HIBADH: variants seen among roughly 807,000 people sequenced by gnomAD.
The protein encoded by HIBADH is 3-hydroxyisobutyrate dehydrogenase, mitochondrial.
A neutral mutation model predicts 36.1 loss-of-function variants in HIBADH; 25 were observed. The ratio of observed to expected loss-of-function variants is 0.69; its 90% confidence interval spans 0.50 to 0.97. The LOEUF (loss-of-function observed/expected upper bound fraction) is 0.97, where lower values mean the gene tolerates loss of function less well. Ranked by LOEUF, HIBADH falls within the 50% of genes least tolerant of loss-of-function variation. The pLI, the probability that HIBADH is intolerant of heterozygous loss-of-function variation, is 0.00. For synonymous variants in HIBADH, 160 were observed against 149.5 expected (o/e 1.07, Z -0.51); for missense variants, 421 against 418.0 (o/e 1.01, Z -0.06).
intron 6 of HIBADH, among the ~76,000 whole-genome samples, chr7:27,533,706 G>A (rs1356629918): frequency 2.0e-5 from 3 of 152,228 alleles, no homozygotes; most frequent in East Asian, 1.9e-4. Context: ...ATCCTAGAAC[G>A]TCATGCTTCA....
chr7:27,645,053 T>A (rs534188500), intron 2 of HIBADH, among the ~76,000 whole-genome samples: 1 of 152,304 alleles, frequency 6.6e-6, no homozygotes, highest in African/African-American at 2.4e-5. Flanking sequence ...TGTTTGGACA[T>A]TCTATCCGCT....
intron 4 of HIBADH, among the ~76,000 whole-genome samples, chr7:27,627,011 A>G (rs1215273167): frequency 4.6e-5 from 7 of 152,130 alleles, no homozygotes; most frequent in African/African-American, 1.7e-4. Flanking sequence ...CCACCCTCAC[A>G]GAGTTGATGG....
chr7:27,611,773 C>T (rs1785325964), intron 4 of HIBADH, among the ~76,000 whole-genome samples: 1 of 152,146 alleles, frequency 6.6e-6, no homozygotes, highest in African/African-American at 2.4e-5. Flanking sequence ...CTGAGTGAAA[C>T]AACTGCTAAG....
In HIBADH at chr7:27,526,357, G is replaced by A. The variant is rs1366790502; in HGVS notation, c.868C>T (p.Gln290Ter). 6.2e-7 allele frequency: 1 copy of A among 1,611,384 alleles called. No homozygotes were observed. ...TLMAKDLGLA[Q>*]DSATSTKSPI... The stretch of plus-strand genomic sequence containing the variant: ...CTCTTTGTGCTGGTAGCAGAGTCTT[G>A]TGCCAATCCCAGATCCTAAATCAAA... Residue 290 changes from glutamine (Q) to a stop codon, truncating the protein, a stop_gained, in exon 8 of 8, where the codon CAA becomes TAA. Transcript: ENST00000265395. LOFTEE classifies it high-confidence loss of function.
chr7:27,624,319 T>C (rs574996214), intron 4 of HIBADH, among the ~76,000 whole-genome samples: 4 of 152,304 alleles, frequency 2.6e-5, no homozygotes, highest in South Asian at 4.1e-4. Flanking sequence ...TCCAAGGCTA[T>C]AGTAATGTTA....
In HIBADH at chr7:27,577,843, T is replaced by C. The variant is rs138748813; in HGVS notation, c.485-34743A>G. 3.5e-4 allele frequency among the ~76,000 whole-genome samples: 54 copies of C among 152,296 alleles called. 1 individual carries two copies. Among genetic ancestry groups the C allele is most frequent in the African/African-American group, 1.3e-3 (53 of 41,562 alleles). ...TGATGTACCATTGCTGCAGAACACA[T>C]GGGTGTGGAGTGCCAATTGTTTCTG... On this transcript the variant is annotated intron_variant, in intron 4 of 7. Transcript: ENST00000265395.
At chr7:27,653,607 G>T (rs1162674095) in intron 1 of HIBADH, among the ~76,000 whole-genome samples, 1 of 152,034 alleles carries the variant, frequency 6.6e-6, no homozygotes, top group Non-Finnish European at 1.5e-5. Context: ...TGTAGTGGCA[G>T]GCGCCTGTAG....
chr7:27,561,722 A>G (rs1380545959), intron 4 of HIBADH, among the ~76,000 whole-genome samples: 1 of 152,154 alleles, frequency 6.6e-6, no homozygotes, highest in Admixed American at 6.5e-5. Flanking sequence ...CTGTGACAGT[A>G]GACATTTATA....
At chr7:27,602,500 C>T (rs926294994) in intron 4 of HIBADH, among the ~76,000 whole-genome samples, 1 of 152,124 alleles carries the variant, frequency 6.6e-6, no homozygotes, top group African/African-American at 2.4e-5. Flanking sequence ...TACTTTCATT[C>T]TCTTATTTTT....
rs995934266 is a variant in HIBADH, at chr7:27,609,323, G to A, written c.484+20048C>T. Among the ~76,000 whole-genome samples, 54 of 152,134 alleles carry A rather than the reference G, an allele frequency of 3.5e-4. 1 individual carries two copies. Among genetic ancestry groups the A allele is most frequent in the Admixed American group, 7.2e-4 (11 of 15,284 alleles). On this transcript the variant is annotated intron_variant, in intron 4 of 7. Coordinates refer to ENST00000265395, the MANE Select transcript of HIBADH (RefSeq NM_152740.4). ...TTACTGTCTATGACAACTGTTGCAA[G>A]GCAGTCTTAGGCATGCCAAAGAATG...
intron 4 of HIBADH, among the ~76,000 whole-genome samples, chr7:27,564,064 A>G (rs1350858128): frequency 6.6e-6 from 1 of 151,826 alleles, no homozygotes; most frequent in Admixed American, 6.6e-5. Flanking sequence ...ACACCCAGCT[A>G]ATTTTTTGTA....
chr7:27,567,161 T>G (rs1475663758), intron 4 of HIBADH, among the ~76,000 whole-genome samples: 1 of 152,106 alleles, frequency 6.6e-6, no homozygotes, highest in Non-Finnish European at 1.5e-5. Context: ...GATTTGTTCA[T>G]TTCTCCTTTT....
At chr7:27,534,069 C>G (rs117353200) in intron 6 of HIBADH, among the ~76,000 whole-genome samples, 1 of 152,124 alleles carries the variant, frequency 6.6e-6, no homozygotes, top group Non-Finnish European at 1.5e-5. Context: ...ATATATAATG[C>G]GTCTCAAATA....
At chr7:27,538,991 C>G (rs142210202) in intron 5 of HIBADH, among the ~76,000 whole-genome samples, 3 of 152,084 alleles carry the variant, frequency 2.0e-5, no homozygotes, top group African/African-American at 7.2e-5. Context: ...TGCTGGAGAT[C>G]AGTAAGAAAA....
At chr7:27,536,574 A>G (rs1463022826) in intron 6 of HIBADH, among the ~76,000 whole-genome samples, 1 of 152,098 alleles carries the variant, frequency 6.6e-6, no homozygotes, top group Admixed American at 6.6e-5. Context: ...TCTCCTTGAA[A>G]ACAAACCCAC....
intron 4 of HIBADH, among the ~76,000 whole-genome samples, chr7:27,578,333 T>C (rs1784744382): frequency 6.6e-6 from 1 of 152,192 alleles, no homozygotes; most frequent in Non-Finnish European, 1.5e-5. Context: ...TTTTTTTTTT[T>C]TTGAGACAGT....
intron 1 of HIBADH, among the ~76,000 whole-genome samples, chr7:27,655,817 T>G (rs1786290317): frequency 2.0e-5 from 3 of 152,162 alleles, no homozygotes; most frequent in African/African-American, 7.2e-5. Context: ...CAAAATGATG[T>G]GATACCATTT....
chr7:27,564,553 G>A (rs1583571666), intron 4 of HIBADH, among the ~76,000 whole-genome samples: 1 of 152,114 alleles, frequency 6.6e-6, no homozygotes, highest in African/African-American at 2.4e-5. Flanking sequence ...CATTTTATTA[G>A]TATAGCTTTG....
chr7:27,564,394 A>G (rs1026894797), intron 4 of HIBADH, among the ~76,000 whole-genome samples: 4 of 151,962 alleles, frequency 2.6e-5, no homozygotes, highest in Non-Finnish European at 5.9e-5. Context: ...TTTTTTCTTA[A>G]TATATGTAGA....
Sources: gnomAD v4.1 joint callset for allele counts (sites outside exome capture counted in the v4.1 genomes callset) on GRCh38, gnomAD v4.1.1 for gene constraint, MANE v1.5 for transcripts, NCBI Gene and HGNC (gene_info 2026-07-23, HGNC 2026-07-21) for gene names.